Variants in CDH23 observed in about 807,000 individuals in gnomAD.
CDH23 encodes the protein cadherin-23.
A neutral mutation model predicts 317.1 loss-of-function variants in CDH23; 189 were observed. The observed-to-expected ratio is 0.60, with a 90% CI of 0.53 to 0.67. CDH23 has a LOEUF of 0.67. Ranked by LOEUF, CDH23 falls within the 30% of genes least tolerant of loss-of-function variation. CDH23 has a pLI of 0.00. For missense variants in CDH23, 4,401 were observed against 4,592.4 expected, an observed-to-expected ratio of 0.96 and a Z score of 1.20; for synonymous variants, 1,839 against 1,876.8, an observed-to-expected ratio of 0.98 and a Z score of 0.52.
intron 9 of CDH23, 146 bp downstream of exon 9, chr10:71,578,138 C>T (rs1400253318): frequency 1.0e-5 from 8 of 767,676 alleles, no homozygotes; most frequent in Non-Finnish European, 1.5e-5. Flanking sequence ...GGACAGTCCT[C>T]GCCAAAGGGC....
At chr10:71,716,013 T>C (rs1866206556) in intron 28 of CDH23, 1 of 1,500,764 alleles carries the variant, frequency 6.7e-7, no homozygotes, top group Admixed American at 2.4e-5. Context: ...CGAGGGACGG[T>C]GGGCCGGCCA....
At chr10:71,697,184 C>G (rs1434198468) in intron 22 of CDH23, among the ~76,000 whole-genome samples, 1 of 152,232 alleles carries the variant, frequency 6.6e-6, no homozygotes, top group African/African-American at 2.4e-5. Flanking sequence ...TCTTGGGCAT[C>G]TGCAAGCTTT....
chr10:71,706,883 G>A lies in CDH23; in HGVS notation c.2954-14G>A, dbSNP rs191534381. On this transcript the variant is annotated splice_polypyrimidine_tract_variant and intron_variant, in intron 25 of 69. Coordinates refer to ENST00000224721, the MANE Select transcript of CDH23 (RefSeq NM_022124.6). Reference sequence around the variant, plus strand: ...GAAGCCAGGCCTAGCCCCGGCGCCCGTTCTGCCCCGCAGTGCTGGATGTGA... The same window carrying A: ...GAAGCCAGGCCTAGCCCCGGCGCCCATTCTGCCCCGCAGTGCTGGATGTGA... 6.0e-4 allele frequency: 944 copies of A among 1,586,056 alleles called. 3 individuals carry two copies. In the African/African-American group the frequency reaches 0.011, roughly 18 times the overall value.
chr10:71,566,622 A>G, intron 6 of CDH23, 120 bp from the exon 7 acceptor site: 1 of 841,428 alleles, frequency 1.2e-6, no homozygotes, highest in Non-Finnish European at 1.7e-6. Flanking sequence ...AATGAAAATG[A>G]CAAGGCCTCG....
chr10:71,681,861 CT>C (rs1433882769), intron 17 of CDH23, among the ~76,000 whole-genome samples: 1 of 152,220 alleles, frequency 6.6e-6, no homozygotes, highest in Non-Finnish European at 1.5e-5. Flanking sequence ...AGGGTCCTGC[CT>C]TCTGCACCCC....
chr10:71,428,194 G>C (rs1849200233), intron 1 of CDH23, among the ~76,000 whole-genome samples: 1 of 146,140 alleles, frequency 6.8e-6, no homozygotes, highest in Admixed American at 6.9e-5. Flanking sequence ...CTGGAGTGCA[G>C]TGGCACGATC....
At chr10:71,570,542 T>C (rs1263530010) in intron 7 of CDH23, among the ~76,000 whole-genome samples, 1 of 152,268 alleles carries the variant, frequency 6.6e-6, no homozygotes, top group East Asian at 1.9e-4. Context: ...TGCCTTCCTC[T>C]GGACCTTGGG....
chr10:71,477,402 C>T (rs960114195), intron 3 of CDH23, among the ~76,000 whole-genome samples: 1 of 152,216 alleles, frequency 6.6e-6, no homozygotes, highest in African/African-American at 2.4e-5. Context: ...CTCCTGACCT[C>T]AGGTGATCCA....
At chr10:71,412,227 T>C (rs1488159323) in intron 1 of CDH23, among the ~76,000 whole-genome samples, 1 of 152,260 alleles carries the variant, frequency 6.6e-6, no homozygotes, top group Admixed American at 6.5e-5. Context: ...ATTTGGATTG[T>C]TGCCACCTTC....
intron 25 of CDH23, among the ~76,000 whole-genome samples, chr10:71,705,841 C>T (rs965895049): frequency 1.3e-5 from 2 of 152,098 alleles, no homozygotes; most frequent in African/African-American, 4.8e-5. Flanking sequence ...TGTTCAATCC[C>T]ATCCTAGCTC....
intron 9 of CDH23, among the ~76,000 whole-genome samples, chr10:71,578,792 G>A (rs1439122126): frequency 1.3e-5 from 2 of 152,148 alleles, no homozygotes; most frequent in East Asian, 1.9e-4. Context: ...GGTGTATCTG[G>A]GCAGGCCAGG....
At chr10:71,674,773 C>A (rs1221088873) in intron 14 of CDH23, among the ~76,000 whole-genome samples, 1 of 152,174 alleles carries the variant, frequency 6.6e-6, no homozygotes, top group Non-Finnish European at 1.5e-5. Context: ...TAGAACCATG[C>A]CAGGGACAAT....
At chr10:71,551,193 C>T (rs1048418504) in intron 6 of CDH23, among the ~76,000 whole-genome samples, 1 of 152,256 alleles carries the variant, frequency 6.6e-6, no homozygotes, top group Non-Finnish European at 1.5e-5. Context: ...AACAAAGTGT[C>T]GCCCAATTAA....
At chr10:71,688,109 CT>C (rs1418543474) in intron 19 of CDH23, among the ~76,000 whole-genome samples, 1 of 152,182 alleles carries the variant, frequency 6.6e-6, no homozygotes, top group African/African-American at 2.4e-5. Context: ...GAGGGGTGGC[CT>C]TACAGCGGGG....
At chr10:71,580,956 C>T (rs1366276952) in intron 9 of CDH23, among the ~76,000 whole-genome samples, 1 of 152,138 alleles carries the variant, frequency 6.6e-6, no homozygotes, top group African/African-American at 2.4e-5. Context: ...GGCACTGTCC[C>T]CAGGGGAGCA....
intron 3 of CDH23, among the ~76,000 whole-genome samples, chr10:71,474,970 C>T (rs1253965706): frequency 6.6e-6 from 1 of 152,260 alleles, no homozygotes; most frequent in Non-Finnish European, 1.5e-5. Context: ...TCATCTCTTT[C>T]ATTCAAGACC....
intron 14 of CDH23, chr10:71,646,962 G>A (rs1862923730): frequency 2.0e-6 from 2 of 985,168 alleles, no homozygotes; most frequent in Admixed American, 1.2e-4. Context: ...CTTGAGAAGG[G>A]CAACCCTCTC....
chr10:71,685,445 T>C (rs1864835935), intron 18 of CDH23, among the ~76,000 whole-genome samples: 1 of 152,184 alleles, frequency 6.6e-6, no homozygotes, highest in Non-Finnish European at 1.5e-5. Context: ...TGCAGAGAGA[T>C]GAAGGTGAAG....
chr10:71,605,252 TA>T (rs1554844653), intron 9 of CDH23, among the ~76,000 whole-genome samples: 2,857 of 146,588 alleles, frequency 0.019, 183 homozygotes, highest in East Asian at 0.15. Context: ...CTTTTTTTTT[TA>T]AAAAAAAAAA....
Sources: allele counts gnomAD v4.1 joint callset (sites outside exome capture counted in the v4.1 genomes callset), GRCh38; gene constraint gnomAD v4.1.1; transcripts MANE v1.5; gene names NCBI Gene and HGNC (gene_info 2026-07-23, HGNC 2026-07-21).